The following POLQ variants were observed in gnomAD, a reference collection of about 807,000 sequenced individuals.
POLQ encodes the protein epididymis secretory sperm binding protein.
A neutral mutation model predicts 259.2 loss-of-function variants in POLQ; 233 were observed. That is an observed-to-expected ratio of 0.90 (90% confidence interval 0.81 to 1.00). The LOEUF is 1.00. Ranked by LOEUF, POLQ falls within the 50% of genes least tolerant of loss-of-function variation. POLQ has a pLI of 0.00. For missense variants in POLQ, 2,871 were observed against 3,051.6 expected (o/e 0.94, Z 1.39); for synonymous variants, 1,025 against 1,048.8 (o/e 0.98, Z 0.44).
intron 4 of POLQ, among the ~76,000 whole-genome samples, chr3:121,537,573 T>C (rs7617748): frequency 0.63 from 95,555 of 151,610 alleles, 30,481 homozygotes; most frequent in East Asian, 0.89. Flanking sequence ...CCTGCATTAA[T>C]TGGCTTAGGA....
At chr3:121,437,060 C>T (rs1027946752) in intron 27 of POLQ, among the ~76,000 whole-genome samples, 2 of 152,118 alleles carry the variant, frequency 1.3e-5, no homozygotes, top group Non-Finnish European at 1.5e-5. Context: ...GAGGTATTCT[C>T]TAGTCCTCTG....
At position 121,472,137 on chromosome 3, in the gene POLQ, G is replaced by A; in HGVS notation, c.6571C>T (p.His2191Tyr). 6.6e-7 allele frequency: 1 copy of A among 1,524,052 alleles called. No homozygotes were observed. The highest frequency in any genetic ancestry group is 9.0e-7 in the Non-Finnish European group (1 of 1,117,110). The allele number at this position is 1,524,052 out of a possible 1,614,324, so 94.4% of individuals were successfully genotyped here. The change falls in exon 22 of 30, where the codon CAT (histidine) becomes TAT (tyrosine). Residue 2191 changes from histidine (H) to tyrosine (Y), a missense_variant. Around this residue, in one of 3 missense-constraint regions of POLQ, gnomAD observed 2,080 missense variants for 2,126.0 expected, o/e 0.98. Transcript: ENST00000264233. ...KDVLNKLKAL[H>Y]PLPGLILEWR... ...TCTAATATCAAGCCTGGTAAAGGAT[G>A]TAATGCCTTTAATTTATTTAAAACG...
In POLQ at chr3:121,488,215, A is replaced by G. The variant is rs1204876810; in HGVS notation, c.4716T>C (p.Asn1572=). The part of the protein sequence containing the change: ...DSVQMVEALD[N]VDIFPVQEKN... Reference sequence around the variant, plus strand: ...TCTCTTGGACAGGAAATATATCCACATTGTCCAAAGCTTCAACCATCTGAA... The same window carrying G: ...TCTCTTGGACAGGAAATATATCCACGTTGTCCAAAGCTTCAACCATCTGAA... The change falls in exon 16 of 30, where the codon AAT becomes AAC. Residue 1572 remains asparagine (N), a synonymous_variant. Transcript: ENST00000264233. The G allele has an allele frequency of 6.2e-7, 1 of 1,613,490 alleles. No individual in the cohort carries two copies. Among genetic ancestry groups the G allele is most frequent in the Non-Finnish European group, 8.5e-7 (1 of 1,179,796 alleles).
chr3:121,473,889 C>T (rs1471724522), intron 20 of POLQ, among the ~76,000 whole-genome samples: 1 of 151,902 alleles, frequency 6.6e-6, no homozygotes. Context: ...ACCATGCCCA[C>T]CTAATTTTTG....
chr3:121,539,332 C>A, intron 4 of POLQ, 101 bp downstream of exon 4: 1 of 884,220 alleles, frequency 1.1e-6, no homozygotes, highest in Non-Finnish European at 1.7e-6. Context: ...AGATAATAGA[C>A]AATAGGAAAA....
intron 16 of POLQ, among the ~76,000 whole-genome samples, chr3:121,486,967 T>C (rs1187025380): frequency 2.0e-5 from 3 of 151,886 alleles, no homozygotes; most frequent in Non-Finnish European, 2.9e-5. Flanking sequence ...AAAGAATTCA[T>C]GAGCACTGGT....
chr3:121,517,363 G>T (rs1409131589), intron 9 of POLQ, among the ~76,000 whole-genome samples: 1 of 151,996 alleles, frequency 6.6e-6, no homozygotes, highest in Non-Finnish European at 1.5e-5. Flanking sequence ...CAACAAATTG[G>T]AAGTTTTGTT....
chr3:121,504,215 C>G (rs2048192982), intron 12 of POLQ, among the ~76,000 whole-genome samples: 1 of 152,258 alleles, frequency 6.6e-6, no homozygotes, highest in Admixed American at 6.5e-5. Context: ...GAAAGAGGAA[C>G]CAACCCCACC....
chr3:121,524,939 C>T (rs1338050318), intron 7 of POLQ, among the ~76,000 whole-genome samples: 2 of 13,406 alleles, frequency 1.5e-4, no homozygotes, highest in African/African-American at 2.5e-4. Flanking sequence ...TGTATAAATA[C>T]ACACACACAC....
intron 24 of POLQ, among the ~76,000 whole-genome samples, chr3:121,465,521 G>GGT (rs2047827922): frequency 6.6e-6 from 1 of 151,466 alleles, no homozygotes; most frequent in African/African-American, 2.4e-5. Flanking sequence ...GATATTGCAG[G>GGT]TTTTTTTCTT....
intron 13 of POLQ, among the ~76,000 whole-genome samples, chr3:121,497,722 C>A (rs2048135897): frequency 6.6e-6 from 1 of 152,168 alleles, no homozygotes; most frequent in Admixed American, 6.5e-5. Context: ...CAGGCATGAG[C>A]CACTGCACCC....
In POLQ at chr3:121,501,251, C is replaced by T. The variant is rs111532348; in HGVS notation, c.1960-2581G>A. Among the ~76,000 whole-genome samples, 462 of 152,152 alleles carry T rather than the reference C, an allele frequency of 3.0e-3. 1 individual carries two copies. Among genetic ancestry groups the T allele is most frequent in the Non-Finnish European group, 4.8e-3 (323 of 67,994 alleles). On this transcript the variant is annotated intron_variant, in intron 12 of 29. Coordinates refer to ENST00000264233, the MANE Select transcript of POLQ (RefSeq NM_199420.4). ...CTGGGATTACAGGCATGAGCTACCACGCCCAGCCTCAACTAAGAATATTAT... is the reference window on the plus strand; with the variant it reads ...CTGGGATTACAGGCATGAGCTACCATGCCCAGCCTCAACTAAGAATATTAT...
At chr3:121,458,489 C>T (rs1414639295) in intron 25 of POLQ, among the ~76,000 whole-genome samples, 1 of 152,104 alleles carries the variant, frequency 6.6e-6, no homozygotes, top group Non-Finnish European at 1.5e-5. Context: ...AGCTGCATGA[C>T]CTTAAGCAAA....
intron 9 of POLQ, among the ~76,000 whole-genome samples, chr3:121,516,589 G>A (rs1203789029): frequency 6.6e-6 from 1 of 152,144 alleles, no homozygotes; most frequent in South Asian, 2.1e-4. Context: ...AAATTATTTA[G>A]AATCAAATAA....
intron 13 of POLQ, among the ~76,000 whole-genome samples, chr3:121,498,251 G>A (rs540429233): frequency 9.9e-5 from 15 of 151,678 alleles, no homozygotes; most frequent in Non-Finnish European, 2.2e-4. Context: ...CGGAGGTTGC[G>A]GTGAGCTGAG....
At chr3:121,500,769 A>C (rs2048161009) in intron 12 of POLQ, among the ~76,000 whole-genome samples, 1 of 152,196 alleles carries the variant, frequency 6.6e-6, no homozygotes, top group East Asian at 1.9e-4. Flanking sequence ...ACAAAGACGC[A>C]TCACAGTCAA....
intron 25 of POLQ, among the ~76,000 whole-genome samples, chr3:121,451,876 C>T (rs1448594946): frequency 6.6e-6 from 1 of 152,342 alleles, no homozygotes; most frequent in Admixed American, 6.5e-5. Context: ...CTATGCCCTG[C>T]CCCCAGAGGT....
chr3:121,488,554 T>C lies in POLQ; in HGVS notation c.4377A>G (p.Ile1459Met). The C allele has an allele frequency of 6.2e-7, 1 of 1,611,854 alleles. No individual in the cohort carries two copies. The highest frequency in any genetic ancestry group is 8.5e-7 in the Non-Finnish European group (1 of 1,179,426). ...GAGTTCTCTTTTGAGGAATCAGAAG[T>C]ATAACTGGTTTCACAGTTTCTTGTG... is the stretch of plus-strand genomic sequence containing the variant. ...YQTQETVKPV[I>M]LLIPQKRTPT... The change falls in exon 16 of 30, where the codon ATA becomes ATG. Residue 1459 changes from isoleucine (I) to methionine (M), a missense_variant. Physicochemically the swap from Ile to Met is conservative, Grantham distance 10. Around this residue, in one of 3 missense-constraint regions of POLQ, gnomAD observed 2,080 missense variants for 2,126.0 expected, o/e 0.98. Coordinates refer to ENST00000264233, the MANE Select transcript of POLQ (RefSeq NM_199420.4).
chr3:121,516,668 C>T (rs1336698746), intron 9 of POLQ, among the ~76,000 whole-genome samples: 2 of 152,046 alleles, frequency 1.3e-5, no homozygotes, highest in South Asian at 2.1e-4. Context: ...ATACTAGAAG[C>T]TTCTAAGTAG....
Sources: gnomAD v4.1 joint callset for allele counts (sites outside exome capture counted in the v4.1 genomes callset) on GRCh38, gnomAD v4.1.1 for gene constraint, gnomAD v4.1.1 regional missense constraint, MANE v1.5 for transcripts, NCBI Gene and HGNC (gene_info 2026-07-23, HGNC 2026-07-21) for gene names.